CD58: variants seen among roughly 807,000 people sequenced by gnomAD.
CD58 encodes lymphocyte function-associated antigen 3.
In CD58, 14 loss-of-function variants were observed where a neutral mutation model predicts 27.6. The ratio of observed to expected loss-of-function variants is 0.51; its 90% CI spans 0.34 to 0.79. CD58 has a LOEUF of 0.79. CD58 is among the 30% of genes least tolerant of loss of function. The pLI, the probability that CD58 is intolerant of heterozygous loss-of-function variation, is 0.02. For missense variants in CD58, 268 were observed against 301.7 expected, an observed-to-expected ratio of 0.89 and a Z score of 0.83; for synonymous variants, 117 against 103.8, an observed-to-expected ratio of 1.13 and a Z score of -0.77.
At chr1:116,568,343 G>A (rs1312483413) in intron 1 of CD58, among the ~76,000 whole-genome samples, 1 of 152,144 alleles carries the variant, frequency 6.6e-6, no homozygotes, top group Non-Finnish European at 1.5e-5. Context: ...GAAAACTAAT[G>A]TGACAGTTAA....
rs1017143169 is a variant in CD58 at position 116,527,998 on chromosome 1, A to C, written c.629-6015T>G. 2.0e-5 allele frequency among the ~76,000 whole-genome samples: 3 copies of C among 152,192 alleles called. No individual in the cohort carries two copies. The highest frequency in any genetic ancestry group is 6.5e-5 in the Admixed American group (1 of 15,276). On this transcript the variant is annotated intron_variant, in intron 3 of 5. Transcript: ENST00000369489. The surrounding 1 kb of genome is among the most constrained non-coding windows in gnomAD (Gnocchi z 4.4). The stretch of plus-strand genomic sequence containing the variant: ...GGCTGGTCTCGAACTCTCAGCCTCA[A>C]GCAATCCTCCCGTCTTGGCCTCACA...
rs961857791 is a variant in CD58 at position 116,516,823 on chromosome 1, G to A, written c.744-2001C>T. The stretch of plus-strand genomic sequence containing the variant: ...CTGCCTAAGTCCTTCTAAGAGTTTC[G>A]TATGCTCATGTGCATCCATTCTCTC... On this transcript the variant is annotated intron_variant, in intron 5 of 5. Transcript: ENST00000369489. The surrounding 1 kb of genome is among the most constrained non-coding windows in gnomAD (Gnocchi z 6.1). Among the ~76,000 whole-genome samples, 4 of 152,018 alleles carry A rather than the reference G, an allele frequency of 2.6e-5. No individual in the cohort carries two copies. The highest frequency in any genetic ancestry group is 6.6e-5 in the Admixed American group (1 of 15,264).
rs1657051643 is a variant in CD58, at chr1:116,515,476, A to G, written c.744-654T>C. Among the ~76,000 whole-genome samples, 1 of 152,230 alleles carries G rather than the reference A, an allele frequency of 6.6e-6. No individual in the cohort carries two copies. Among genetic ancestry groups the G allele is most frequent in the Non-Finnish European group, 1.5e-5 (1 of 68,030 alleles). ...TCACAGGGGTGAGGTAAAGGACAGCAAACTAGAAGTTTCCCTCCTTGGGAG... is the reference window on the plus strand; with the variant it reads ...TCACAGGGGTGAGGTAAAGGACAGCGAACTAGAAGTTTCCCTCCTTGGGAG... On this transcript the variant is annotated intron_variant, in intron 5 of 5. Transcript: ENST00000369489. The surrounding 1 kb of genome is among the most constrained non-coding windows in gnomAD (Gnocchi z 4.6).
In CD58 at chr1:116,569,627, G is replaced by GA. The variant is rs386368173; in HGVS notation, c.70+1275_70+1276insT. 2.3e-3 allele frequency among the ~76,000 whole-genome samples: 114 copies of GA among 49,412 alleles called. 1 individual carries two copies. The African/African-American group carries it at 0.042, about 18-fold the overall frequency. 32.4% of individuals were successfully genotyped at this position (49,412 alleles called of 152,430 possible). A position where few individuals can be genotyped will look rare whatever the true frequency, so the allele number is the denominator to read the frequency against. ...TTTTTTTTTTTTTTTTTTTGAGACA[G>GA]GTCATATTCTGTCACCCAGGCTGGA... On this transcript the variant is annotated intron_variant, in intron 1 of 5. Coordinates refer to ENST00000369489, the MANE Select transcript of CD58 (RefSeq NM_001779.3).
chr1:116,534,530 G>A lies in CD58; in HGVS notation c.628+1435C>T, dbSNP rs1311095187. On this transcript the variant is annotated intron_variant, in intron 3 of 5. Transcript: ENST00000369489. This position sits in a 1 kb window ranked among gnomAD's most constrained non-coding sequence, Gnocchi z 5.3. ...ACGCCTCCTCCGCTGGGCCGCCGGCGAGGAAGCCGCCCGCAGCGCAGAACA... is the reference window on the plus strand; with the variant it reads ...ACGCCTCCTCCGCTGGGCCGCCGGCAAGGAAGCCGCCCGCAGCGCAGAACA... 1.3e-5 allele frequency among the ~76,000 whole-genome samples: 2 copies of A among 152,166 alleles called. No individual in the cohort carries two copies. Among genetic ancestry groups the A allele is most frequent in the Non-Finnish European group, 2.9e-5 (2 of 68,016 alleles).
chr1:116,530,189 G>C (rs1351015012), intron 3 of CD58, among the ~76,000 whole-genome samples: 1 of 150,742 alleles, frequency 6.6e-6, no homozygotes, highest in Non-Finnish European at 1.5e-5. Flanking sequence ...ACCCCACCTG[G>C]TTGACCCTGT....
At position 116,536,835 on chromosome 1, in the gene CD58, CAA is replaced by C. The variant is rs773051510; in HGVS notation, c.365-609_365-608del. On this transcript the variant is annotated intron_variant, in intron 2 of 5. Coordinates refer to ENST00000369489, the MANE Select transcript of CD58 (RefSeq NM_001779.3). This position sits in a 1 kb window ranked among gnomAD's most constrained non-coding sequence, Gnocchi z 5.4. ...TCTTAAATCAAAAAATCTCTGAAGC[CAA>C]AAGAGTCTTCGCAAGTTGGTAGCAA... Among the ~76,000 whole-genome samples, 2 of 152,172 alleles carry C rather than the reference CAA, an allele frequency of 1.3e-5. No individual in the cohort carries two copies. The highest frequency in any genetic ancestry group is 1.9e-4 in the East Asian group (1 of 5,194).
chr1:116,566,856 G>C (rs1242556339), intron 1 of CD58, among the ~76,000 whole-genome samples: 1 of 151,826 alleles, frequency 6.6e-6, no homozygotes, highest in East Asian at 1.9e-4. Flanking sequence ...AAACAGAAGA[G>C]AAAATTGCTG....
rs114673621 is a variant in CD58 at position 116,550,703 on chromosome 1, T to C, written c.71-6099A>G. ...ATATTCTTAATGACATCTAGAATGC[T>C]GAATCCTTTCAGAAGGTTGTCAATT... On this transcript the variant is annotated intron_variant, in intron 1 of 5. Coordinates refer to ENST00000369489, the MANE Select transcript of CD58 (RefSeq NM_001779.3). The surrounding 1 kb of genome is among the most constrained non-coding windows in gnomAD (Gnocchi z 4.2). 2.1e-3 allele frequency among the ~76,000 whole-genome samples: 314 copies of C among 152,282 alleles called. 3 individuals carry two copies. Among genetic ancestry groups the C allele is most frequent in the African/African-American group, 7.1e-3 (294 of 41,542 alleles).
In CD58 at chr1:116,524,357, G is replaced by C. The variant is rs1028874923; in HGVS notation, c.629-2374C>G. Among the ~76,000 whole-genome samples, 2 of 152,158 alleles carry C rather than the reference G, an allele frequency of 1.3e-5. No individual in the cohort carries two copies. The highest frequency in any genetic ancestry group is 1.3e-4 in the Admixed American group (2 of 15,282). On this transcript the variant is annotated intron_variant, in intron 3 of 5. Transcript: ENST00000369489. This position sits in a 1 kb window ranked among gnomAD's most constrained non-coding sequence, Gnocchi z 4.6. ...ACTGGTCACTCAAATCTGGGTCCAA[G>C]AACCAAGAAGCATGCAAATTGCTAC...
rs1470274834 is a variant in CD58, at chr1:116,563,867, T to C, written c.70+7036A>G. ...CCCTGGAGACATTTTCCCCATTGTC[T>C]TCGTGATTAACATTTGGCTCCTCAT... On this transcript the variant is annotated intron_variant, in intron 1 of 5. Transcript: ENST00000369489. This position sits in a 1 kb window ranked among gnomAD's most constrained non-coding sequence, Gnocchi z 4.1. 6.6e-6 allele frequency among the ~76,000 whole-genome samples: 1 copy of C among 152,232 alleles called. No homozygotes were observed. Among genetic ancestry groups the C allele is most frequent in the African/African-American group, 2.4e-5 (1 of 41,458 alleles).
intron 2 of CD58, among the ~76,000 whole-genome samples, chr1:116,542,509 G>C (rs3887154): frequency 6.6e-6 from 1 of 152,212 alleles, no homozygotes; most frequent in African/African-American, 2.4e-5. Flanking sequence ...TAAGGGATCA[G>C]AATAAGTGAA....
chr1:116,536,186 C>T lies in CD58; in HGVS notation c.407G>A (p.Gly136Glu), dbSNP rs1307954576. 6.2e-7 allele frequency: 1 copy of T among 1,611,398 alleles called. No individual in the cohort carries two copies. Among genetic ancestry groups the T allele is most frequent in the African/African-American group, 1.3e-5 (1 of 74,874 alleles). ...TATCATGCATTGGACTTCAATGCTT[C>T]CATTAGTCAATGCACAAGTTAGTGT... ...SPTLTCALTN[G>E]SIEVQCMIPE... The change falls in exon 3 of 6, where the codon GGA (glycine) becomes GAA (glutamate). Residue 136 changes from glycine to glutamate, a missense_variant. Physicochemically the swap from Gly to Glu is moderately conservative, Grantham distance 98. Coordinates refer to ENST00000369489, the MANE Select transcript of CD58 (RefSeq NM_001779.3). The surrounding 1 kb of genome is among the most constrained non-coding windows in gnomAD (Gnocchi z 5.4).
rs1261126234 is a variant in CD58 at position 116,527,794 on chromosome 1, T to C, written c.629-5811A>G. ...GGTAGAATTCACCAATGAACCCATC[T>C]GAACCTGGTGCTTTCTGTTTTGGAA... On this transcript the variant is annotated intron_variant, in intron 3 of 5. Transcript: ENST00000369489. This position sits in a 1 kb window ranked among gnomAD's most constrained non-coding sequence, Gnocchi z 4.4. Among the ~76,000 whole-genome samples, 2 of 152,256 alleles carry C rather than the reference T, an allele frequency of 1.3e-5. No homozygotes were observed. Among genetic ancestry groups the C allele is most frequent in the Non-Finnish European group, 2.9e-5 (2 of 68,040 alleles).
chr1:116,523,517 A>G lies in CD58; in HGVS notation c.629-1534T>C, dbSNP rs994836617. Among the ~76,000 whole-genome samples the G allele has an allele frequency of 3.3e-5, 5 of 152,106 alleles. No homozygotes were observed. Among genetic ancestry groups the G allele is most frequent in the Non-Finnish European group, 5.9e-5 (4 of 68,012 alleles). ...TCACCTATTGGTCAGATTTGAGAAG[A>G]CCCTGGCCAGAAACTGCTAGGTGCC... On this transcript the variant is annotated intron_variant, in intron 3 of 5. Transcript: ENST00000369489. The surrounding 1 kb of genome is among the most constrained non-coding windows in gnomAD (Gnocchi z 4.4).
rs1295851183 is a variant in CD58 at position 116,522,366 on chromosome 1, A to G, written c.629-383T>C. Among the ~76,000 whole-genome samples the G allele has an allele frequency of 6.6e-6, 1 of 152,204 alleles. No individual in the cohort carries two copies. Among genetic ancestry groups the G allele is most frequent in the Non-Finnish European group, 1.5e-5 (1 of 68,040 alleles). ...GCTGACAAGAGTTCCTAAGTGCAAG[A>G]AGGCTGCGATGTGCCTTGCAGAGAA... On this transcript the variant is annotated intron_variant, in intron 3 of 5. Coordinates refer to ENST00000369489, the MANE Select transcript of CD58 (RefSeq NM_001779.3). This position sits in a 1 kb window ranked among gnomAD's most constrained non-coding sequence, Gnocchi z 4.6.
intron 3 of CD58, chr1:116,533,650 GC>G (rs1657692001): frequency 1.4e-6 from 1 of 692,576 alleles, no homozygotes; most frequent in Non-Finnish European, 2.7e-6. Flanking sequence ...TGTTGCTGCT[GC>G]TTTTTCTGTT....
intron 1 of CD58, among the ~76,000 whole-genome samples, chr1:116,545,530 G>T (rs1262614166): frequency 6.6e-6 from 1 of 152,180 alleles, no homozygotes; most frequent in African/African-American, 2.4e-5. Context: ...GAGGGTGGGG[G>T]AAGTGGATGG....
In CD58 at chr1:116,517,826, C is replaced by T. The variant is rs1237493523; in HGVS notation, c.743+1405G>A. On this transcript the variant is annotated intron_variant, in intron 5 of 5. Transcript: ENST00000369489. This position sits in a 1 kb window ranked among gnomAD's most constrained non-coding sequence, Gnocchi z 6.5. ...CCCACGCTCCAATTCTGTGCATGGA[C>T]ATCACTAGCCAGGTAATACACCAGC... Among the ~76,000 whole-genome samples the T allele has an allele frequency of 6.6e-6, 1 of 152,196 alleles. No homozygotes were observed.
Sources: allele counts gnomAD v4.1 joint callset (sites outside exome capture counted in the v4.1 genomes callset), GRCh38; gene constraint gnomAD v4.1.1; non-coding constraint Gnocchi (gnomAD v3.1); transcripts MANE v1.5; gene names NCBI Gene and HGNC (gene_info 2026-07-23, HGNC 2026-07-21).